The following ANK2 variants were observed in gnomAD, a reference collection of about 807,000 sequenced individuals.
ANK2 encodes the protein ankyrin 2, also known as ankyrin-2.
In ANK2, 83 loss-of-function variants were observed where a neutral mutation model predicts 360.5. The observed-to-expected ratio is 0.23, with a 90% CI of 0.19 to 0.28. The LOEUF (loss-of-function observed/expected upper bound fraction) is 0.28. ANK2 is among the 10% of genes least tolerant of loss of function. The pLI is 1.00. For synonymous variants in ANK2, 1,740 were observed against 1,759.5 expected (o/e 0.99, Z 0.28); for missense variants, 4,201 against 4,795.7 (o/e 0.88, Z 3.66).
chr4:112,823,080 A>G (rs1359757100), intron 1 of ANK2, among the ~76,000 whole-genome samples: 1 of 152,248 alleles, frequency 6.6e-6, no homozygotes, highest in African/African-American at 2.4e-5. Context: ...AATAAATGTC[A>G]TAGATAATTC....
At chr4:112,991,515 G>A (rs921449938) in intron 2 of ANK2, among the ~76,000 whole-genome samples, 3 of 151,116 alleles carry the variant, frequency 2.0e-5, no homozygotes, top group Admixed American at 6.6e-5. Context: ...GGCTGATTAA[G>A]TTCATGTGTT....
At chr4:112,836,956 A>G (rs535409968) in intron 1 of ANK2, among the ~76,000 whole-genome samples, 1 of 152,364 alleles carries the variant, frequency 6.6e-6, no homozygotes, top group African/African-American at 2.4e-5. Context: ...GAGAAATTCA[A>G]GCCAGATGCA....
Position 113,348,285 on chromosome 4 carries a change from T to G in ANK2, c.4381T>G (p.Ser1461Ala). The part of the protein sequence containing the change: ...TLPIYTKESE[S>A]DQEQEEEIDM... ...ATCTTGGGGCGGAAAGGAATCAGAG[T>G]CAGATCAAGAACAGGAGGAAGAGGT... Residue 1461 changes from serine to alanine, a missense_variant, in exon 36 of 46, where the codon TCA (serine) becomes GCA (alanine). By Grantham distance (99) the Ser-to-Ala change is moderately conservative. Around this residue, in one of 4 missense-constraint regions of ANK2, gnomAD observed 1,268 missense variants for 1,650.8 expected, o/e 0.77. Coordinates refer to ENST00000357077, the MANE Select transcript of ANK2 (RefSeq NM_001148.6). The G allele has an allele frequency of 6.2e-7, 1 of 1,613,402 alleles. No individual in the cohort carries two copies.
chr4:113,074,775 A>G (rs992604366), intron 1 of ANK2, among the ~76,000 whole-genome samples: 2 of 152,202 alleles, frequency 1.3e-5, no homozygotes, highest in Non-Finnish European at 2.9e-5. Context: ...GGCTAGGAGA[A>G]AAGGAGTATT....
intron 1 of ANK2, among the ~76,000 whole-genome samples, chr4:112,829,173 G>T (rs2149634260): frequency 6.6e-6 from 1 of 151,968 alleles, no homozygotes; most frequent in South Asian, 2.1e-4. Context: ...ATGAATGAGT[G>T]AATGAATGAA....
chr4:112,777,963 GTTTC>G, the ANK2 span, among the ~76,000 whole-genome samples: 3 of 149,424 alleles, frequency 2.0e-5, no homozygotes, highest in South Asian at 4.2e-4. Flanking sequence ...GAAGATTTAG[GTTTC>G]TTTCTTTCTT....
At position 113,278,548 on chromosome 4, in the gene ANK2, C is replaced by A; in HGVS notation, c.1871C>A (p.Ala624Asp). ...LLLEKGASPH[A>D]TAKNGYTPLH... ...CTGGAGAAGGGTGCTTCCCCTCATGCCACTGCCAAGGTGAGGACCACAGAA... is the reference window on the plus strand; with the variant it reads ...CTGGAGAAGGGTGCTTCCCCTCATGACACTGCCAAGGTGAGGACCACAGAA... The change falls in exon 17 of 46, where the codon GCC becomes GAC. Residue 624 changes from alanine (A) to aspartate (D), a missense_variant. Physicochemically the swap from Ala to Asp is moderately radical, Grantham distance 126. Coordinates refer to ENST00000357077, the MANE Select transcript of ANK2 (RefSeq NM_001148.6). 6.2e-7 allele frequency: 1 copy of A among 1,613,840 alleles called. No individual in the cohort carries two copies. Among genetic ancestry groups the A allele is most frequent in the Non-Finnish European group, 8.5e-7 (1 of 1,179,840 alleles).
the ANK2 span, among the ~76,000 whole-genome samples, chr4:112,807,248 T>C: frequency 6.6e-6 from 1 of 152,234 alleles, no homozygotes; most frequent in African/African-American, 2.4e-5. Context: ...CTATCACGGT[T>C]GCTATTAAAA....
At chr4:113,126,444 T>G (rs868398345) in intron 1 of ANK2, among the ~76,000 whole-genome samples, 1 of 152,192 alleles carries the variant, frequency 6.6e-6, no homozygotes, top group Non-Finnish European at 1.5e-5. Context: ...AATTAAACCA[T>G]GTCACATCCT....
chr4:113,373,814 T>C (rs139220675), intron 45 of ANK2, among the ~76,000 whole-genome samples: 31 of 152,336 alleles, frequency 2.0e-4, no homozygotes, highest in African/African-American at 7.0e-4. Flanking sequence ...CTGTGGTGCT[T>C]GTGCCTGGTT....
In ANK2 at chr4:112,919,708, C is replaced by A. The variant is rs574924067; in HGVS notation, c.21+15194C>A. Among the ~76,000 whole-genome samples, 24 of 152,222 alleles carry A rather than the reference C, an allele frequency of 1.6e-4. 1 individual carries two copies. The East Asian group carries it at 4.6e-3, about 29-fold the overall frequency. ...CTCCTGTCATAGAAAATAATCATTT[C>A]TTTGCTTTAATTTTACTAAGTGTTT... On this transcript the variant is annotated intron_variant, in intron 2 of 30. Transcript: ENST00000503271.
chr4:112,752,358 AG>A, the ANK2 span, among the ~76,000 whole-genome samples: 2,615 of 152,316 alleles, frequency 0.017, 46 homozygotes, highest in East Asian at 0.046. Flanking sequence ...TTAAATGTTA[AG>A]CAGCAAGTGC....
chr4:112,975,535 A>G (rs2041096856), intron 2 of ANK2, among the ~76,000 whole-genome samples: 1 of 152,196 alleles, frequency 6.6e-6, no homozygotes, highest in Non-Finnish European at 1.5e-5. Flanking sequence ...GTTTAATTAA[A>G]CTGAAGGAAA....
chr4:112,802,522 A>T, the ANK2 span, among the ~76,000 whole-genome samples: 2 of 152,182 alleles, frequency 1.3e-5, no homozygotes, highest in Non-Finnish European at 2.9e-5. Flanking sequence ...AAAGTCCTTG[A>T]TGTATCTGTT....
At chr4:113,188,586 CA>C (rs555930897) in intron 2 of ANK2, among the ~76,000 whole-genome samples, 1 of 152,010 alleles carries the variant, frequency 6.6e-6, no homozygotes, top group South Asian at 2.1e-4. Flanking sequence ...TGATCAAGAA[CA>C]AAAAATTACT....
In ANK2 at chr4:113,369,681, C is replaced by A. The variant is rs2096659859; in HGVS notation, c.11486C>A (p.Pro3829His). Reference protein sequence around the residue: ...ERGGSPIIQEPEEPSEHREES... With the variant: ...ERGGSPIIQEHEEPSEHREES... ...GGAGGCTCTCCCATCATACAAGAAC[C>A]CGAAGAGCCCTCAGAGCACAGAGAG... Residue 3829 changes from proline (P) to histidine (H), a missense_variant, in exon 43 of 46, where the codon CCC becomes CAC. Physicochemically the swap from Pro to His is moderately conservative, Grantham distance 77 (BLOSUM62 -2). Transcript: ENST00000357077. 6.2e-7 allele frequency: 1 copy of A among 1,614,010 alleles called. No individual in the cohort carries two copies. Among genetic ancestry groups the A allele is most frequent in the Non-Finnish European group, 8.5e-7 (1 of 1,180,022 alleles).
intron 1 of ANK2, among the ~76,000 whole-genome samples, chr4:112,897,060 C>T (rs757953794): frequency 2.0e-5 from 3 of 152,160 alleles, no homozygotes; most frequent in Non-Finnish European, 4.4e-5. Flanking sequence ...GGTGATCTGA[C>T]AAGTCATATT....
intron 34 of ANK2, among the ~76,000 whole-genome samples, chr4:113,344,271 A>G (rs999253877): frequency 6.6e-6 from 1 of 152,214 alleles, no homozygotes; most frequent in Non-Finnish European, 1.5e-5. Flanking sequence ...AGATACACAG[A>G]TGGTCAATAA....
intron 1 of ANK2, chr4:113,117,475 C>A: frequency 2.2e-6 from 1 of 447,730 alleles, no homozygotes; most frequent in South Asian, 1.6e-5. Flanking sequence ...GCACCATCAG[C>A]CTCAGAACTG....
Sources: allele counts gnomAD v4.1 joint callset (sites outside exome capture counted in the v4.1 genomes callset), GRCh38; gene constraint gnomAD v4.1.1; regional missense constraint gnomAD v4.1.1; transcripts MANE v1.5; gene names NCBI Gene and HGNC (gene_info 2026-07-23, HGNC 2026-07-21).